ITFG1: variants seen among roughly 807,000 people sequenced by gnomAD.
The protein encoded by ITFG1 is T-cell immunomodulatory protein.
ITFG1 carries 34 observed loss-of-function variants against 81.8 expected under a neutral mutation model. The observed-to-expected ratio is 0.42, with a 90% CI of 0.32 to 0.55. ITFG1 has a LOEUF of 0.55. Among genes scored for constraint, ITFG1 ranks in the 20% least tolerant of loss-of-function variants. ITFG1 has a pLI of 0.17. For synonymous variants in ITFG1, 285 were observed against 270.6 expected, an observed-to-expected ratio of 1.05 and a Z score of -0.52; for missense variants, 672 against 755.4, an observed-to-expected ratio of 0.89 and a Z score of 1.29.
intron 14 of ITFG1, among the ~76,000 whole-genome samples, chr16:47,198,657 T>C (rs1330430824): frequency 6.7e-6 from 1 of 149,592 alleles, no homozygotes; most frequent in Non-Finnish European, 1.5e-5. Context: ...TCATAGGAGA[T>C]GGACAGCTCC....
chr16:47,225,365 A>G (rs1475798886), intron 13 of ITFG1, among the ~76,000 whole-genome samples: 2 of 152,182 alleles, frequency 1.3e-5, no homozygotes, highest in Non-Finnish European at 2.9e-5. Flanking sequence ...AAATATGTGA[A>G]GCAATAATGG....
chr16:47,451,535 A>G (rs1182474328), intron 4 of ITFG1, 65 bp from the exon 5 acceptor site: 1 of 859,604 alleles, frequency 1.2e-6, no homozygotes, highest in Non-Finnish European at 1.9e-6. Context: ...TTAGCTTTAA[A>G]AGAAGCAGTA....
chr16:47,253,738 T>C (rs925753782), intron 12 of ITFG1, among the ~76,000 whole-genome samples: 1 of 152,176 alleles, frequency 6.6e-6, no homozygotes, highest in East Asian at 1.9e-4. Context: ...CTAATGCTAC[T>C]GCTGCTCTGA....
intron 12 of ITFG1, among the ~76,000 whole-genome samples, chr16:47,255,989 T>G (rs532160586): frequency 6.6e-6 from 1 of 152,268 alleles, no homozygotes; most frequent in African/African-American, 2.4e-5. Flanking sequence ...TTATTTTTTT[T>G]TTTGAGACAG....
At chr16:47,275,382 A>C (rs1394380319) in intron 10 of ITFG1, among the ~76,000 whole-genome samples, 1 of 152,192 alleles carries the variant, frequency 6.6e-6, no homozygotes, top group African/African-American at 2.4e-5. Flanking sequence ...GTAAATACAC[A>C]ATAATAGGTA....
At chr16:47,452,870 C>T (rs1284322250) in intron 3 of ITFG1, 80 bp from the exon 4 acceptor site, 1 of 669,396 alleles carries the variant, frequency 1.5e-6, no homozygotes, top group Admixed American at 3.4e-5. Flanking sequence ...AAAAAATATT[C>T]TTCTACTCTT....
At chr16:47,314,755 T>C (rs960837203) in intron 8 of ITFG1, among the ~76,000 whole-genome samples, 4 of 152,220 alleles carry the variant, frequency 2.6e-5, no homozygotes, top group Non-Finnish European at 5.9e-5. Context: ...ATTGATTTTG[T>C]ATTGCTTTAA....
Position 47,278,714 on chromosome 16 carries a change from A to C in ITFG1, c.1071-18019T>G, listed in dbSNP as rs16954520. Among the ~76,000 whole-genome samples, 118 of 152,332 alleles carry C rather than the reference A, an allele frequency of 7.7e-4. No individual in the cohort carries two copies. The East Asian group carries it at 0.022, about 28-fold the overall frequency. On this transcript the variant is annotated intron_variant, in intron 10 of 17. Transcript: ENST00000320640. ...AATGCTGTTACTCTAGGGAAAAGCC[A>C]GTAGTGGCAATGGGGAGGAAGGGAG... is the stretch of plus-strand genomic sequence containing the variant.
chr16:47,171,187 T>C (rs1413474032), intron 14 of ITFG1, among the ~76,000 whole-genome samples: 1 of 151,954 alleles, frequency 6.6e-6, no homozygotes, highest in Non-Finnish European at 1.5e-5. Flanking sequence ...GCTAATTTTT[T>C]TGTAGAGACA....
At chr16:47,205,374 C>T (rs547227542) in intron 14 of ITFG1, among the ~76,000 whole-genome samples, 1 of 152,238 alleles carries the variant, frequency 6.6e-6, no homozygotes, top group South Asian at 2.1e-4. Context: ...CAAAATCACC[C>T]GATTGAGAAC....
chr16:47,297,202 T>C (rs1399330668), intron 10 of ITFG1, among the ~76,000 whole-genome samples: 1 of 152,180 alleles, frequency 6.6e-6, no homozygotes, highest in East Asian at 1.9e-4. Flanking sequence ...CTGTTTTTGA[T>C]TTAAAGTATG....
intron 10 of ITFG1, among the ~76,000 whole-genome samples, chr16:47,295,629 A>G (rs1441595969): frequency 6.6e-6 from 1 of 151,926 alleles, no homozygotes; most frequent in Non-Finnish European, 1.5e-5. Flanking sequence ...ATGATCTTTC[A>G]TATTTATGTT....
chr16:47,323,208 C>T (rs911333769), intron 8 of ITFG1, among the ~76,000 whole-genome samples: 1 of 152,054 alleles, frequency 6.6e-6, no homozygotes, highest in African/African-American at 2.4e-5. Flanking sequence ...GTTCTCCCCA[C>T]ATGAATAGAT....
intron 6 of ITFG1, among the ~76,000 whole-genome samples, chr16:47,400,706 G>A (rs1036408318): frequency 1.7e-5 from 2 of 120,712 alleles, no homozygotes; most frequent in East Asian, 4.0e-4. Flanking sequence ...GCGAAAGGAG[G>A]TAGGGGAAGC....
intron 1 of ITFG1, 127 bp downstream of exon 1, chr16:47,460,711 G>C: frequency 9.9e-7 from 1 of 1,014,420 alleles, no homozygotes; most frequent in Non-Finnish European, 1.5e-6. Flanking sequence ...ATGCTAAAGG[G>C]AAGGCCACAG....
intron 13 of ITFG1, among the ~76,000 whole-genome samples, chr16:47,221,318 CT>C (rs1430223284): frequency 1.3e-5 from 2 of 152,080 alleles, no homozygotes; most frequent in African/African-American, 4.8e-5. Context: ...TGTCAAAGGC[CT>C]TTTCTGCATC....
chr16:47,251,586 C>T (rs1966076761), intron 12 of ITFG1, among the ~76,000 whole-genome samples: 2 of 152,180 alleles, frequency 1.3e-5, no homozygotes, highest in African/African-American at 4.8e-5. Flanking sequence ...ACAGAACATG[C>T]ACAGGAACAG....
chr16:47,179,612 A>G (rs1965076468), intron 14 of ITFG1, among the ~76,000 whole-genome samples: 1 of 151,678 alleles, frequency 6.6e-6, no homozygotes, highest in African/African-American at 2.4e-5. Flanking sequence ...GATATGTAAA[A>G]TATACCTTCA....
chr16:47,372,935 C>T (rs1176175079), intron 7 of ITFG1, among the ~76,000 whole-genome samples: 1 of 152,224 alleles, frequency 6.6e-6, no homozygotes, highest in Admixed American at 6.5e-5. Flanking sequence ...CTCCCTACGT[C>T]CAGATGTTGC....
Sources: gnomAD v4.1 joint callset for allele counts (sites outside exome capture counted in the v4.1 genomes callset) on GRCh38, gnomAD v4.1.1 for gene constraint, MANE v1.5 for transcripts, NCBI Gene and HGNC (gene_info 2026-07-23, HGNC 2026-07-21) for gene names.